The following ACO1 variants were observed in gnomAD, a reference collection of about 807,000 sequenced individuals.
The protein encoded by ACO1 is cytoplasmic aconitate hydratase.
Under a neutral mutation model 105.1 loss-of-function variants are expected in ACO1, and 78 were observed. The observed-to-expected ratio is 0.74, with a 90% CI of 0.62 to 0.90. The LOEUF (loss-of-function observed/expected upper bound fraction) is 0.90, where lower values mean the gene tolerates loss of function less well. Ranked by LOEUF, ACO1 falls within the 40% of genes least tolerant of loss-of-function variation. The pLI, the probability that ACO1 is intolerant of heterozygous loss-of-function variation, is 0.00. For synonymous variants in ACO1, 364 were observed against 397.4 expected (o/e 0.92, Z 1.00); for missense variants, 965 against 1,111.1 (o/e 0.87, Z 1.87).
chr9:32,440,841 G>A (rs1309556856), intron 19 of ACO1, among the ~76,000 whole-genome samples: 1 of 152,158 alleles, frequency 6.6e-6, no homozygotes, highest in Non-Finnish European at 1.5e-5. Flanking sequence ...CAGTTTTGGG[G>A]TAGGGTCTGT....
intron 9 of ACO1, 57 bp from the exon 10 acceptor site, chr9:32,424,492 T>C: frequency 8.5e-7 from 1 of 1,181,652 alleles, no homozygotes; most frequent in Middle Eastern, 2.0e-4. Context: ...ATGCTTTGGG[T>C]TTCCTCTTTG....
intron 1 of ACO1, among the ~76,000 whole-genome samples, chr9:32,401,573 G>T (rs1278140413): frequency 6.6e-6 from 1 of 152,178 alleles, no homozygotes; most frequent in Non-Finnish European, 1.5e-5. Flanking sequence ...CCTAGGGAAT[G>T]GTGACAGGTT....
chr9:32,414,903 T>C (rs1821816063), intron 4 of ACO1, among the ~76,000 whole-genome samples: 1 of 152,118 alleles, frequency 6.6e-6, no homozygotes, highest in Non-Finnish European at 1.5e-5. Flanking sequence ...GGAGAGAAAT[T>C]AGTGAACACA....
chr9:32,440,506 C>G lies in ACO1; in HGVS notation c.2289C>G (p.Gly763=), dbSNP rs1822453849. 1.2e-6 allele frequency: 2 copies of G among 1,613,998 alleles called. No individual in the cohort carries two copies. The highest frequency in any genetic ancestry group is 1.7e-6 in the Non-Finnish European group (2 of 1,179,938). Residue 763 remains glycine, a synonymous_variant, in exon 19 of 21, where the codon GGC becomes GGG. Coordinates refer to ENST00000309951, the MANE Select transcript of ACO1 (RefSeq NM_002197.3). Reference sequence around the variant, plus strand: ...CTGCTGAGCGGTACCAGCAGGCAGGCCTTCCCCTGATCGTTCTGGCTGGCA... The same window carrying G: ...CTGCTGAGCGGTACCAGCAGGCAGGGCTTCCCCTGATCGTTCTGGCTGGCA... ...FDAAERYQQA[G]LPLIVLAGKE... is the part of the protein sequence containing the mutation.
At chr9:32,434,060 G>T (rs57676990) in intron 16 of ACO1, among the ~76,000 whole-genome samples, 3,304 of 152,208 alleles carry the variant, frequency 0.022, 89 homozygotes, top group African/African-American at 0.068. Flanking sequence ...AGCCACCCTA[G>T]TAATCACCTG....
Position 32,409,127 on chromosome 9 carries a change from T to G in ACO1, c.404+476T>G, listed in dbSNP as rs543577425. On this transcript the variant is annotated intron_variant, in intron 4 of 20. Transcript: ENST00000309951. Reference sequence around the variant, plus strand: ...GTTTCTTCTTTTGTTTGGGACATCCTCTCCTCTGTTCCTGCCAAATCTTAC... The same window carrying G: ...GTTTCTTCTTTTGTTTGGGACATCCGCTCCTCTGTTCCTGCCAAATCTTAC... Among the ~76,000 whole-genome samples, 7 of 152,360 alleles carry G rather than the reference T, an allele frequency of 4.6e-5. 2 individuals carry two copies. The South Asian group carries it at 1.4e-3, about 32-fold the overall frequency.
At chr9:32,427,524 A>T in intron 12 of ACO1, 88 bp downstream of exon 12, 1 of 1,529,238 alleles carries the variant, frequency 6.5e-7, no homozygotes, top group Non-Finnish European at 9.0e-7. Flanking sequence ...CAGATGTGAG[A>T]TTATCTGATG....
At chr9:32,442,121 AT>A (rs1437130673) in intron 19 of ACO1, among the ~76,000 whole-genome samples, 5 of 151,448 alleles carry the variant, frequency 3.3e-5, no homozygotes, top group Non-Finnish European at 7.4e-5. Context: ...CTGTGTTTGG[AT>A]CTCATCTCCA....
At chr9:32,413,426 G>A (rs1323110720) in intron 4 of ACO1, among the ~76,000 whole-genome samples, 2 of 150,556 alleles carry the variant, frequency 1.3e-5, no homozygotes, top group Non-Finnish European at 2.9e-5. Flanking sequence ...GGAGGTTGCA[G>A]TGAGCTGAGA....
At chr9:32,416,179 C>G (rs1821844511) in intron 4 of ACO1, among the ~76,000 whole-genome samples, 1 of 151,158 alleles carries the variant, frequency 6.6e-6, no homozygotes, top group Admixed American at 6.6e-5. Context: ...ACTGCAACCT[C>G]CACCTCCCAG....
In ACO1 at chr9:32,434,637, C is replaced by A. The variant is rs143970071; in HGVS notation, c.2035C>A (p.His679Asn). ...TTTGGGAGATTCGGTAACAACTGAC[C>A]ACATCTCCCCAGCTGGAAATATTGC... ...LNLGDSVTTDHISPAGNIARN... is the reference protein window; with the variant it reads ...LNLGDSVTTDNISPAGNIARN... Residue 679 changes from histidine to asparagine, a missense_variant, in exon 17 of 21, where the codon CAC becomes AAC. Coordinates refer to ENST00000309951, the MANE Select transcript of ACO1 (RefSeq NM_002197.3). 1.9e-6 allele frequency: 3 copies of A among 1,614,068 alleles called. No individual in the cohort carries two copies. Among genetic ancestry groups the A allele is most frequent in the Non-Finnish European group, 2.5e-6 (3 of 1,179,996 alleles).
rs1821361794 is a variant in ACO1, at chr9:32,395,825, A to G, written c.-22-9660A>G. On this transcript the variant is annotated intron_variant, in intron 1 of 20. Coordinates refer to ENST00000309951, the MANE Select transcript of ACO1 (RefSeq NM_002197.3). ...TCTGGTTATATTGGCCCACAGTGAC[A>G]CTAAAAAGTAAAAGTGAATATTTCT... is the stretch of plus-strand genomic sequence containing the variant. Among the ~76,000 whole-genome samples, 2 of 152,262 alleles carry G rather than the reference A, an allele frequency of 1.3e-5. 1 individual carries two copies.
chr9:32,387,579 G>A (rs1429313067), intron 1 of ACO1, among the ~76,000 whole-genome samples: 2 of 152,070 alleles, frequency 1.3e-5, no homozygotes, highest in African/African-American at 2.4e-5. Flanking sequence ...GATATAGGGT[G>A]TATGATTCAA....
At chr9:32,434,009 T>C (rs1587547930) in intron 16 of ACO1, among the ~76,000 whole-genome samples, 177 bp downstream of exon 16, 1 of 152,116 alleles carries the variant, frequency 6.6e-6, no homozygotes, top group Non-Finnish European at 1.5e-5. Flanking sequence ...CTGCCGTGGG[T>C]CTATAGTTTC....
intron 1 of ACO1, among the ~76,000 whole-genome samples, chr9:32,403,311 A>G (rs1821538260): frequency 1.3e-5 from 2 of 152,234 alleles, no homozygotes; most frequent in African/African-American, 4.8e-5. Flanking sequence ...AAGATGGTGT[A>G]AAGCACTTGG....
At chr9:32,438,796 CA>C (rs1467347178) in intron 18 of ACO1, among the ~76,000 whole-genome samples, 1 of 152,012 alleles carries the variant, frequency 6.6e-6, no homozygotes, top group Non-Finnish European at 1.5e-5. Flanking sequence ...GCTGACTTAC[CA>C]AAATAACTAT....
intron 1 of ACO1, among the ~76,000 whole-genome samples, chr9:32,404,149 C>G (rs1255120710): frequency 6.6e-6 from 1 of 152,142 alleles, no homozygotes; most frequent in Non-Finnish European, 1.5e-5. Context: ...TTGTGTGGCA[C>G]TTTATCCTAT....
intron 7 of ACO1, 150 bp downstream of exon 7, chr9:32,419,327 G>A: frequency 1.2e-6 from 1 of 818,840 alleles, no homozygotes; most frequent in Non-Finnish European, 1.7e-6. Flanking sequence ...GATGAGGTAA[G>A]GGAAGTGTTC....
chr9:32,417,232 T>A (rs1175800477), intron 4 of ACO1, among the ~76,000 whole-genome samples: 1 of 152,186 alleles, frequency 6.6e-6, no homozygotes, highest in Admixed American at 6.5e-5. Context: ...GGAGACTAGA[T>A]GAGAAAATTA....
Sources: allele counts gnomAD v4.1 joint callset (sites outside exome capture counted in the v4.1 genomes callset), GRCh38; gene constraint gnomAD v4.1.1; transcripts MANE v1.5; gene names NCBI Gene and HGNC (gene_info 2026-07-23, HGNC 2026-07-21).